The following CUX2 variants were observed in gnomAD, a reference collection of about 807,000 sequenced individuals.
The protein encoded by CUX2 is cut like homeobox 2, also known as homeobox protein cut-like 2.
Under a neutral mutation model 144.8 loss-of-function variants are expected in CUX2, and 40 were observed. The observed-to-expected ratio is 0.28, with a 90% CI of 0.21 to 0.36. The LOEUF (loss-of-function observed/expected upper bound fraction) is 0.36, where lower values mean the gene tolerates loss of function less well. Ranked by LOEUF, CUX2 falls within the 10% of genes least tolerant of loss-of-function variation. The pLI, the probability that CUX2 is intolerant of heterozygous loss-of-function variation, is 1.00. For synonymous variants in CUX2, 827 were observed against 875.6 expected (o/e 0.94, Z 0.98); for missense variants, 1,615 against 1,994.0 (o/e 0.81, Z 3.62).
At chr12:111,135,235 G>A (rs1157177880) in intron 1 of CUX2, among the ~76,000 whole-genome samples, 1 of 152,104 alleles carries the variant, frequency 6.6e-6, no homozygotes, top group Non-Finnish European at 1.5e-5. Context: ...GTGCAGGGGA[G>A]GGTGGGGTGT....
intron 3 of CUX2, among the ~76,000 whole-genome samples, chr12:111,257,269 CT>C (rs1343618372): frequency 7.4e-6 from 1 of 135,678 alleles, no homozygotes; most frequent in Non-Finnish European, 1.6e-5. Context: ...CTCCTCCTCC[CT>C]TTTCCTCTTC....
intron 3 of CUX2, among the ~76,000 whole-genome samples, chr12:111,225,628 G>A (rs966920519): frequency 2.0e-5 from 3 of 152,188 alleles, no homozygotes; most frequent in African/African-American, 7.2e-5. Context: ...CCCCTTGAGG[G>A]GTCTGGGGGT....
rs1440677530 is a variant in CUX2, at chr12:111,059,369, G to A, written c.63+25129G>A. Among the ~76,000 whole-genome samples, 1 of 152,248 alleles carries A rather than the reference G, an allele frequency of 6.6e-6. No homozygotes were observed. Among genetic ancestry groups the A allele is most frequent in the African/African-American group, 2.4e-5 (1 of 41,466 alleles). On this transcript the variant is annotated intron_variant, in intron 1 of 21. Transcript: ENST00000261726. The surrounding 1 kb of genome is among the most constrained non-coding windows in gnomAD (Gnocchi z 5.3). ...GTAGAAATAACCATATCGCCCAAATGTTCTTGATAAGGCTAGGTGCCCCTG... is the reference window on the plus strand; with the variant it reads ...GTAGAAATAACCATATCGCCCAAATATTCTTGATAAGGCTAGGTGCCCCTG...
chr12:111,190,324 G>A lies in CUX2; in HGVS notation c.64-23876G>A, dbSNP rs1255709889. ...ATTACTGCTCAGGACTCGGGAGTAG[G>A]GTGCAGAGGTTCCCATTTTGCCCGT... On this transcript the variant is annotated intron_variant, in intron 1 of 21. Coordinates refer to ENST00000261726, the MANE Select transcript of CUX2 (RefSeq NM_015267.4). This position sits in a 1 kb window ranked among gnomAD's most constrained non-coding sequence, Gnocchi z 4.0. 1.3e-5 allele frequency among the ~76,000 whole-genome samples: 2 copies of A among 151,920 alleles called. No homozygotes were observed. Among genetic ancestry groups the A allele is most frequent in the Non-Finnish European group, 2.9e-5 (2 of 67,986 alleles).
In CUX2 at chr12:111,184,314, A is replaced by G. The variant is rs554708047; in HGVS notation, c.64-29886A>G. Among the ~76,000 whole-genome samples, 4 of 152,268 alleles carry G rather than the reference A, an allele frequency of 2.6e-5. No individual in the cohort carries two copies. The East Asian group carries it at 7.7e-4, about 29-fold the overall frequency. ...TATCCATGAGTCGGGGATTGGAAGTAACCTGTTTCCACAAGGTGGGGACTG... is the reference window on the plus strand; with the variant it reads ...TATCCATGAGTCGGGGATTGGAAGTGACCTGTTTCCACAAGGTGGGGACTG... On this transcript the variant is annotated intron_variant, in intron 1 of 21. Transcript: ENST00000261726.
Position 111,165,482 on chromosome 12 carries a change from C to T in CUX2, c.64-48718C>T, listed in dbSNP as rs187470896. Among the ~76,000 whole-genome samples the T allele has an allele frequency of 2.4e-3, 365 of 152,270 alleles. 9 individuals are homozygous for T. Among genetic ancestry groups the T allele is most frequent in the Non-Finnish European group, 7.2e-4 (49 of 68,016 alleles). ...GACGGTCAGTGTTATTGTCTCATGGCGGGGAATTTGGGCCACGTGCAGAGA... is the reference window on the plus strand; with the variant it reads ...GACGGTCAGTGTTATTGTCTCATGGTGGGGAATTTGGGCCACGTGCAGAGA... On this transcript the variant is annotated intron_variant, in intron 1 of 21. Coordinates refer to ENST00000261726, the MANE Select transcript of CUX2 (RefSeq NM_015267.4).
At chr12:111,230,197 AG>A (rs1882394011) in intron 3 of CUX2, among the ~76,000 whole-genome samples, 1 of 29,398 alleles carries the variant, frequency 3.4e-5, no homozygotes, top group Admixed American at 4.1e-4. Flanking sequence ...GAAGCAGGAG[AG>A]GGGGGGAGGG....
chr12:111,142,985 C>CT, intron 1 of CUX2, among the ~76,000 whole-genome samples: 1 of 152,256 alleles, frequency 6.6e-6, no homozygotes, highest in South Asian at 2.1e-4. Flanking sequence ...AAGGTGTTCG[C>CT]TTTTTTTGGA....
chr12:111,152,161 G>A (rs1436058678), intron 1 of CUX2, among the ~76,000 whole-genome samples: 1 of 152,038 alleles, frequency 6.6e-6, no homozygotes, highest in African/African-American at 2.4e-5. Flanking sequence ...GCACATGCCT[G>A]TAGTTCCAGC....
intron 16 of CUX2, among the ~76,000 whole-genome samples, chr12:111,319,408 C>G (rs1316669670): frequency 6.6e-6 from 1 of 152,046 alleles, no homozygotes; most frequent in Non-Finnish European, 1.5e-5. Context: ...TTTTCTTTGT[C>G]TTTGAACATT....
chr12:111,191,475 G>A (rs1030863589), intron 1 of CUX2, among the ~76,000 whole-genome samples: 20 of 152,158 alleles, frequency 1.3e-4, no homozygotes, highest in East Asian at 5.8e-4. Context: ...GAGATTACAG[G>A]CACACGCCAC....
At chr12:111,157,776 A>T (rs945525139) in intron 1 of CUX2, among the ~76,000 whole-genome samples, 1 of 152,182 alleles carries the variant, frequency 6.6e-6, no homozygotes, top group African/African-American at 2.4e-5. Context: ...GGTTGATGAG[A>T]GGGAGTGGGG....
chr12:111,084,898 A>G (rs1314252438), intron 1 of CUX2, among the ~76,000 whole-genome samples: 1 of 151,738 alleles, frequency 6.6e-6, no homozygotes, highest in East Asian at 1.9e-4. Flanking sequence ...GAGGGACCTC[A>G]CCCCCTCTTC....
At position 111,172,521 on chromosome 12, in the gene CUX2, C is replaced by A. The variant is rs116747065; in HGVS notation, c.64-41679C>A. Among the ~76,000 whole-genome samples, 662 of 152,286 alleles carry A rather than the reference C, an allele frequency of 4.3e-3. 4 individuals carry two copies. Among genetic ancestry groups the A allele is most frequent in the African/African-American group, 0.015 (614 of 41,574 alleles). On this transcript the variant is annotated intron_variant, in intron 1 of 21. Transcript: ENST00000261726. ...TGTGGTGCTGGCCAACACTGGCTAC[C>A]TGTTTGTCTTGATGGAAATGGCTCT... is the stretch of plus-strand genomic sequence containing the variant.
At chr12:111,048,469 C>T (rs1315716850) in intron 1 of CUX2, among the ~76,000 whole-genome samples, 3 of 152,140 alleles carry the variant, frequency 2.0e-5, no homozygotes, top group Non-Finnish European at 4.4e-5. Context: ...CCTTGGTAAG[C>T]GTATGGCTGG....
At position 111,348,188 on chromosome 12, in the gene CUX2, G is replaced by A; in HGVS notation, c.4324G>A (p.Ala1442Thr). 1.9e-6 allele frequency: 3 copies of A among 1,614,090 alleles called. No homozygotes were observed. Among genetic ancestry groups the A allele is most frequent in the Non-Finnish European group, 2.5e-6 (3 of 1,180,024 alleles). ...GAGTGCCAGCCCCACTGCTGACATG[G>A]CTGGAGCCTTGCACCCCAGTGCCAA... Reference protein sequence around the residue: ...VPSASPTADMAGALHPSAKVN... With the variant: ...VPSASPTADMTGALHPSAKVN... The change falls in exon 22 of 22, where the codon GCT becomes ACT. Residue 1442 changes from alanine to threonine, a missense_variant. Physicochemically the swap from Ala to Thr is moderately conservative, Grantham distance 58. Coordinates refer to ENST00000261726, the MANE Select transcript of CUX2 (RefSeq NM_015267.4).
At chr12:111,124,501 C>T (rs1024171984) in intron 1 of CUX2, among the ~76,000 whole-genome samples, 3 of 152,142 alleles carry the variant, frequency 2.0e-5, no homozygotes, top group Admixed American at 2.0e-4. Flanking sequence ...GCTCCTATGA[C>T]CTACAGTCAA....
At chr12:111,294,069 G>A (rs185201245) in intron 6 of CUX2, among the ~76,000 whole-genome samples, 1 of 152,348 alleles carries the variant, frequency 6.6e-6, no homozygotes, top group East Asian at 1.9e-4. Context: ...ATAGCCCACT[G>A]CAGCCTGTAA....
rs1213040450 is a variant in CUX2, at chr12:111,307,782, A to G, written c.1110-503A>G. Among the ~76,000 whole-genome samples, 3 of 152,228 alleles carry G rather than the reference A, an allele frequency of 2.0e-5. No individual in the cohort carries two copies. The highest frequency in any genetic ancestry group is 4.4e-5 in the Non-Finnish European group (3 of 68,040). ...CAGATCACCTGAGGTCAGGAGTTCA[A>G]AACCAGCCTGGCCGAAAGGGCAAAA... is the stretch of plus-strand genomic sequence containing the variant. On this transcript the variant is annotated intron_variant, in intron 12 of 21. Transcript: ENST00000261726. This position sits in a 1 kb window ranked among gnomAD's most constrained non-coding sequence, Gnocchi z 4.1.
Sources: allele counts gnomAD v4.1 joint callset (sites outside exome capture counted in the v4.1 genomes callset), GRCh38; gene constraint gnomAD v4.1.1; non-coding constraint Gnocchi (gnomAD v3.1); transcripts MANE v1.5; gene names NCBI Gene and HGNC (gene_info 2026-07-23, HGNC 2026-07-21).